Variants in OLA1 observed in about 807,000 individuals in gnomAD.
OLA1 encodes the protein obg-like ATPase 1.
A neutral mutation model predicts 48.4 loss-of-function variants in OLA1; 14 were observed. The ratio of observed to expected loss-of-function variants is 0.29; its 90% CI spans 0.19 to 0.45. OLA1 has a LOEUF of 0.45. Ranked by LOEUF, OLA1 falls within the 20% of genes least tolerant of loss-of-function variation. The pLI is 1.00. For missense variants in OLA1, 325 were observed against 467.1 expected (o/e 0.70, Z 2.80); for synonymous variants, 127 against 150.4 (o/e 0.84, Z 1.14).
chr2:174,095,622 G>C (rs1451473425), intron 7 of OLA1, among the ~76,000 whole-genome samples: 3 of 152,182 alleles, frequency 2.0e-5, no homozygotes, highest in African/African-American at 7.2e-5. Flanking sequence ...TCAACAAATG[G>C]TGCTTAGACA....
At chr2:174,242,514 T>C (rs939806790) in intron 2 of OLA1, among the ~76,000 whole-genome samples, 1 of 152,100 alleles carries the variant, frequency 6.6e-6, no homozygotes, top group Non-Finnish European at 1.5e-5. Flanking sequence ...CTCTAGACCA[T>C]GAGGATGAGG....
chr2:174,173,560 T>A (rs1687354752), intron 4 of OLA1, among the ~76,000 whole-genome samples: 1 of 152,200 alleles, frequency 6.6e-6, no homozygotes, highest in Admixed American at 6.5e-5. Flanking sequence ...CAACTTGATT[T>A]TTTTTATAAG....
chr2:174,168,906 C>T (rs765111802), intron 4 of OLA1, among the ~76,000 whole-genome samples: 10 of 150,956 alleles, frequency 6.6e-5, no homozygotes, highest in Non-Finnish European at 1.0e-4. Context: ...AGAATAAAAA[C>T]GAACAGAGCC....
rs572573343 is a variant in OLA1, at chr2:174,191,813, G to A, written c.373+31220C>T. ...TACCAGTAAACTGGTGGATCACACC[G>A]TGCATTATCTAAATTCTTCCTCATG... On this transcript the variant is annotated intron_variant, in intron 4 of 10. Transcript: ENST00000284719. Among the ~76,000 whole-genome samples, 12 of 152,052 alleles carry A rather than the reference G, an allele frequency of 7.9e-5. No homozygotes were observed. The South Asian group carries it at 1.0e-3, about 13-fold the overall frequency.
chr2:174,135,576 G>C lies in OLA1; in HGVS notation c.549+6249C>G, dbSNP rs187775086. ...GATAAAATCAACAGGATGAGATGTAGATGGTGCAAAAGAGGAAGGAGTCAC... is the reference window on the plus strand; with the variant it reads ...GATAAAATCAACAGGATGAGATGTACATGGTGCAAAAGAGGAAGGAGTCAC... On this transcript the variant is annotated intron_variant, in intron 5 of 10. Transcript: ENST00000284719. Among the ~76,000 whole-genome samples, 4 of 152,316 alleles carry C rather than the reference G, an allele frequency of 2.6e-5. No individual in the cohort carries two copies. In the East Asian group the frequency reaches 7.7e-4, roughly 29 times the overall value.
chr2:174,104,500 CAT>C (rs1409843974), intron 7 of OLA1, among the ~76,000 whole-genome samples: 10 of 152,144 alleles, frequency 6.6e-5, no homozygotes, highest in African/African-American at 2.4e-4. Flanking sequence ...TGCAGCATAA[CAT>C]AGCAGTTGAA....
At chr2:174,171,741 G>C (rs1219096790) in intron 4 of OLA1, 2 of 152,260 alleles carry the variant, frequency 1.3e-5, no homozygotes, top group Non-Finnish European at 2.9e-5. Context: ...ACAGGCGTTT[G>C]ATGGGCAGCA....
intron 4 of OLA1, among the ~76,000 whole-genome samples, chr2:174,203,083 T>C (rs1159916545): frequency 2.0e-5 from 3 of 152,160 alleles, no homozygotes; most frequent in Admixed American, 1.3e-4. Flanking sequence ...TAATAAAATA[T>C]TATCGAACAT....
At chr2:174,078,731 T>C (rs1289659300) in intron 10 of OLA1, among the ~76,000 whole-genome samples, 3 of 151,930 alleles carry the variant, frequency 2.0e-5, no homozygotes, top group Non-Finnish European at 2.9e-5. Flanking sequence ...TTATTTTCAA[T>C]TATAGAAAAA....
At chr2:174,204,831 T>A (rs1282794212) in intron 4 of OLA1, among the ~76,000 whole-genome samples, 1 of 152,214 alleles carries the variant, frequency 6.6e-6, no homozygotes, top group Non-Finnish European at 1.5e-5. Flanking sequence ...AGCTATGTGA[T>A]TTTTTGACAA....
At chr2:174,248,303 G>A (rs1013515397) in intron 1 of OLA1, 149 bp downstream of exon 1, 8 of 153,094 alleles carry the variant, frequency 5.2e-5, no homozygotes, top group Non-Finnish European at 8.8e-5. Context: ...GTCCGACAGC[G>A]CCTCATTCAT....
chr2:174,096,776 G>A (rs963159085), intron 7 of OLA1, among the ~76,000 whole-genome samples: 1 of 152,188 alleles, frequency 6.6e-6, no homozygotes, highest in African/African-American at 2.4e-5. Context: ...ACTGTCTGCT[G>A]TCAGTGAGTG....
chr2:174,155,383 T>G (rs973376388), intron 4 of OLA1, among the ~76,000 whole-genome samples: 3 of 152,190 alleles, frequency 2.0e-5, no homozygotes, highest in Non-Finnish European at 4.4e-5. Context: ...AAGCTAAACA[T>G]GCAGCACAAC....
chr2:174,100,283 T>C (rs1685360933), intron 7 of OLA1, among the ~76,000 whole-genome samples: 1 of 152,228 alleles, frequency 6.6e-6, no homozygotes, highest in South Asian at 2.1e-4. Flanking sequence ...AATGGGTTGG[T>C]AGGAATAAGT....
At chr2:174,142,111 C>A in intron 4 of OLA1, 111 bp from the exon 5 acceptor site, 1 of 964,724 alleles carries the variant, frequency 1.0e-6, no homozygotes, top group Non-Finnish European at 1.5e-6. Context: ...AAATAAATTA[C>A]TCTGGCTTCT....
intron 4 of OLA1, among the ~76,000 whole-genome samples, chr2:174,214,981 T>C (rs1414711717): frequency 6.7e-6 from 1 of 148,656 alleles, no homozygotes; most frequent in Non-Finnish European, 1.5e-5. Context: ...ACCCAGGAGG[T>C]GGAGGTTGCA....
intron 2 of OLA1, among the ~76,000 whole-genome samples, chr2:174,239,087 T>C (rs1240488353): frequency 1.3e-5 from 2 of 152,184 alleles, no homozygotes; most frequent in Admixed American, 6.5e-5. Flanking sequence ...AGAAGTTCCA[T>C]TGTTCCTTCT....
intron 4 of OLA1, among the ~76,000 whole-genome samples, chr2:174,219,006 T>TTG (rs57416373): frequency 4.4e-5 from 6 of 135,802 alleles, no homozygotes; most frequent in Non-Finnish European, 4.6e-5. Flanking sequence ...TTTTTTTTTT[T>TTG]GTAGCAATGT....
intron 10 of OLA1, among the ~76,000 whole-genome samples, chr2:174,078,734 T>C (rs553662093): frequency 2.6e-5 from 4 of 152,042 alleles, no homozygotes; most frequent in Admixed American, 6.6e-5. Context: ...TTTTCAATTA[T>C]AGAAAAAAAC....
Sources: gnomAD v4.1 joint callset for allele counts (sites outside exome capture counted in the v4.1 genomes callset) on GRCh38, gnomAD v4.1.1 for gene constraint, MANE v1.5 for transcripts, NCBI Gene and HGNC (gene_info 2026-07-23, HGNC 2026-07-21) for gene names.